PPARGC1A: variants seen among roughly 807,000 people sequenced by gnomAD.
PPARGC1A encodes the protein peroxisome proliferator-activated receptor gamma coactivator 1-alpha.
PPARGC1A carries 25 observed loss-of-function variants against 88.7 expected under a neutral mutation model. That is an observed-to-expected ratio of 0.28 (90% confidence interval 0.21 to 0.39). The LOEUF is 0.39. PPARGC1A is among the 10% of genes least tolerant of loss of function. The pLI is 1.00. For synonymous variants in PPARGC1A, 363 were observed against 355.6 expected, an observed-to-expected ratio of 1.02 and a Z score of -0.24; for missense variants, 880 against 968.7, an observed-to-expected ratio of 0.91 and a Z score of 1.22.
At chr4:23,906,982 T>G (rs1212478270), upstream of PPARGC1A, among the ~76,000 whole-genome samples, 2 of 152,116 alleles carry the variant, frequency 1.3e-5, no homozygotes, top group African/African-American at 4.8e-5. Flanking sequence ...TCAGGAGTAA[T>G]CATAGCTAAG....
chr4:24,358,343 C>T, the PPARGC1A span, among the ~76,000 whole-genome samples: 1 of 152,154 alleles, frequency 6.6e-6, no homozygotes, highest in Non-Finnish European at 1.5e-5. Flanking sequence ...TCACTATCTC[C>T]ATTTTATAGA....
chr4:24,342,874 T>C, the PPARGC1A span, among the ~76,000 whole-genome samples: 2 of 152,132 alleles, frequency 1.3e-5, no homozygotes, highest in Non-Finnish European at 2.9e-5. Flanking sequence ...TTCCTGAAGA[T>C]AATTTTATGG....
intron 12 of PPARGC1A, 93 bp downstream of exon 12, chr4:23,801,637 A>T: frequency 7.4e-7 from 1 of 1,349,812 alleles, no homozygotes; most frequent in Non-Finnish European, 1.0e-6. Context: ...AAATAAAGTG[A>T]TGGTTCAACC....
the PPARGC1A span, among the ~76,000 whole-genome samples, chr4:24,004,721 A>C: frequency 1.3e-5 from 2 of 152,222 alleles, no homozygotes; most frequent in African/African-American, 2.4e-5. Flanking sequence ...AACACGAGCC[A>C]CACGTTATGA....
At chr4:24,214,932 T>A in the PPARGC1A span, among the ~76,000 whole-genome samples, 1 of 152,292 alleles carries the variant, frequency 6.6e-6, no homozygotes, top group South Asian at 2.1e-4. Flanking sequence ...AAACACCAAG[T>A]ATGTTGCCTT....
the PPARGC1A span, among the ~76,000 whole-genome samples, chr4:24,256,398 A>G: frequency 2.4e-4 from 37 of 152,352 alleles, no homozygotes; most frequent in African/African-American, 8.9e-4. Flanking sequence ...GCATTCGCAG[A>G]CAAAAAGGTT....
chr4:24,200,802 A>C, the PPARGC1A span, among the ~76,000 whole-genome samples: 1 of 152,186 alleles, frequency 6.6e-6, no homozygotes, highest in South Asian at 2.1e-4. Context: ...CAGAGTTTAA[A>C]AAATGGCCCA....
chr4:24,375,331 T>C, the PPARGC1A span, among the ~76,000 whole-genome samples: 1 of 152,304 alleles, frequency 6.6e-6, no homozygotes, highest in South Asian at 2.1e-4. Flanking sequence ...TTGTCAAGTT[T>C]ATCGGCCACC....
chr4:23,813,153 G>A, intron 8 of PPARGC1A, 28 bp from the exon 9 acceptor site: 3 of 1,604,416 alleles, frequency 1.9e-6, no homozygotes, highest in Non-Finnish European at 2.6e-6. Flanking sequence ...AGCAAAAAGG[G>A]CATTTGCAAC....
At chr4:23,955,694 T>C in the PPARGC1A span, among the ~76,000 whole-genome samples, 2 of 152,102 alleles carry the variant, frequency 1.3e-5, no homozygotes, top group Admixed American at 1.3e-4. Context: ...GAGCACTTAT[T>C]ATGTGCTAGG....
the PPARGC1A span, among the ~76,000 whole-genome samples, chr4:23,969,208 G>T: frequency 6.6e-6 from 1 of 152,132 alleles, no homozygotes; most frequent in Admixed American, 6.5e-5. Context: ...ATAGAGTCTC[G>T]ATAAATGTCT....
chr4:24,209,240 AG>A, the PPARGC1A span, among the ~76,000 whole-genome samples: 2 of 152,186 alleles, frequency 1.3e-5, no homozygotes, highest in Non-Finnish European at 2.9e-5. Flanking sequence ...GTCCTCCGGA[AG>A]AATCTAAAAC....
chr4:24,034,131 C>T, the PPARGC1A span, among the ~76,000 whole-genome samples: 27,084 of 152,088 alleles, frequency 0.18, 2,592 homozygotes, highest in Admixed American at 0.26. Flanking sequence ...ATTATTTCTC[C>T]CCAGGAGTAG....
At chr4:24,118,798 ATGGTTTTTTTCCACT>A in the PPARGC1A span, among the ~76,000 whole-genome samples, 1 of 152,186 alleles carries the variant, frequency 6.6e-6, no homozygotes, top group Non-Finnish European at 1.5e-5. Context: ...GTCCTCTGAA[ATGGTTTTTTTCCACT>A]TGCATAGAAA....
intron 5 of PPARGC1A, among the ~76,000 whole-genome samples, chr4:23,827,850 AGGAAG>A (rs944468256): frequency 1.3e-5 from 2 of 152,070 alleles, no homozygotes; most frequent in African/African-American, 4.8e-5. Context: ...GAAGAAGAAG[AGGAAG>A]GGGAGAAAGC....
chr4:24,078,277 C>A, the PPARGC1A span, among the ~76,000 whole-genome samples: 3 of 152,002 alleles, frequency 2.0e-5, no homozygotes, highest in African/African-American at 7.2e-5. Flanking sequence ...GGAGAGTTGG[C>A]ACTTTCATGA....
the PPARGC1A span, among the ~76,000 whole-genome samples, chr4:24,465,015 C>T: frequency 7.4e-4 from 112 of 152,306 alleles, 1 homozygote; most frequent in Non-Finnish European, 1.4e-3. Context: ...TACAGGCACA[C>T]GCCATCACAC....
chr4:24,469,139 C>A, the PPARGC1A span, among the ~76,000 whole-genome samples: 1 of 152,326 alleles, frequency 6.6e-6, no homozygotes, highest in Non-Finnish European at 1.5e-5. Flanking sequence ...AGGGTAAAAT[C>A]ATGAACAAGT....
the PPARGC1A span, among the ~76,000 whole-genome samples, chr4:24,251,378 C>T: frequency 0.024 from 3,720 of 152,266 alleles, 64 homozygotes; most frequent in Middle Eastern, 0.038. Flanking sequence ...ATCTTCTACA[C>T]GAACAACACT....
Sources: allele counts gnomAD v4.1 joint callset (sites outside exome capture counted in the v4.1 genomes callset), GRCh38; gene constraint gnomAD v4.1.1; transcripts MANE v1.5; gene names NCBI Gene and HGNC (gene_info 2026-07-23, HGNC 2026-07-21).